DLG5: variants seen among roughly 807,000 people sequenced by gnomAD.
DLG5 encodes disks large homolog 5.
A neutral mutation model predicts 189.8 loss-of-function variants in DLG5; 48 were observed. That is an observed-to-expected ratio of 0.25 (90% CI 0.20 to 0.32). DLG5 has a LOEUF of 0.32. DLG5 is among the 10% of genes least tolerant of loss of function. The probability of loss-of-function intolerance (pLI) is 1.00; values close to 1 mark genes in which losing one functional copy is unlikely to be tolerated. For synonymous variants in DLG5, 1,016 were observed against 1,054.1 expected (o/e 0.96, Z 0.70); for missense variants, 2,160 against 2,544.7 (o/e 0.85, Z 3.25).
intron 18 of DLG5, 128 bp downstream of exon 18, chr10:77,817,649 T>G: frequency 1.3e-6 from 1 of 758,830 alleles, no homozygotes; most frequent in Non-Finnish European, 2.1e-6. Flanking sequence ...AGTAGAGAAA[T>G]GAGCTCAGTC....
At chr10:77,934,126 T>C in the DLG5 span, among the ~76,000 whole-genome samples, 1 of 151,940 alleles carries the variant, frequency 6.6e-6, no homozygotes, top group Non-Finnish European at 1.5e-5. Context: ...ATTCCAGCAT[T>C]TTGGGAGGCC....
In DLG5 at chr10:77,828,914, C is replaced by G. The variant is rs771267497; in HGVS notation, c.2257G>C (p.Gly753Arg). Reference sequence around the variant, plus strand: ...ATCCTGTCTCCCACAGCAAGGGACCCTTCTTTAGCGGCAGGGCTTCCAGGC... The same window carrying G: ...ATCCTGTCTCCCACAGCAAGGGACCGTTCTTTAGCGGCAGGGCTTCCAGGC... Reference protein sequence around the residue: ...VLPGSPAAKEGSLAVGDRIVA... With the variant: ...VLPGSPAAKERSLAVGDRIVA... Residue 753 changes from glycine (G) to arginine (R), a missense_variant, in exon 13 of 32, where the codon GGG (glycine) becomes CGG (arginine). Physicochemically the swap from Gly to Arg is moderately radical, Grantham distance 125. Around this residue, in one of 5 missense-constraint regions of DLG5, gnomAD observed 107 missense variants for 214.5 expected, o/e 0.50. Coordinates refer to ENST00000372391, the MANE Select transcript of DLG5 (RefSeq NM_004747.4). The G allele has an allele frequency of 1.2e-6, 2 of 1,614,166 alleles. No individual in the cohort carries two copies. Among genetic ancestry groups the G allele is most frequent in the Non-Finnish European group, 1.7e-6 (2 of 1,180,016 alleles).
At chr10:77,808,144 C>T (rs1472146283) in intron 24 of DLG5, among the ~76,000 whole-genome samples, 200 bp from the exon 25 acceptor site, 1 of 152,240 alleles carries the variant, frequency 6.6e-6, no homozygotes, top group African/African-American at 2.4e-5. Flanking sequence ...CCCTGGACAC[C>T]AGGTCCTCTG....
At chr10:77,835,425 C>T (rs758622313) in intron 8 of DLG5, among the ~76,000 whole-genome samples, 15 of 152,200 alleles carry the variant, frequency 9.9e-5, no homozygotes, top group Non-Finnish European at 1.9e-4. Context: ...GGACACACTT[C>T]GGATGTGCTC....
chr10:77,866,179 T>C (rs1844674844), intron 2 of DLG5, among the ~76,000 whole-genome samples: 1 of 152,106 alleles, frequency 6.6e-6, no homozygotes, highest in South Asian at 2.1e-4. Context: ...GCTAGAGTGC[T>C]CCCAGCCAGG....
intron 1 of DLG5, among the ~76,000 whole-genome samples, chr10:77,892,829 A>T (rs1845650431): frequency 6.6e-6 from 1 of 152,268 alleles, no homozygotes; most frequent in Non-Finnish European, 1.5e-5. Flanking sequence ...TCAAGTTTTT[A>T]AAATGAAAAT....
At chr10:77,936,928 G>C in the DLG5 span, among the ~76,000 whole-genome samples, 5 of 151,784 alleles carry the variant, frequency 3.3e-5, no homozygotes, top group Non-Finnish European at 4.4e-5. Flanking sequence ...CATCATCCTG[G>C]TTACTTCTCC....
intron 27 of DLG5, among the ~76,000 whole-genome samples, chr10:77,801,174 C>G (rs1431476039): frequency 6.6e-6 from 1 of 152,178 alleles, no homozygotes; most frequent in Non-Finnish European, 1.5e-5. Context: ...CCACACATGA[C>G]AGTTACCAAA....
chr10:77,909,026 G>A (rs1846143517), intron 1 of DLG5, among the ~76,000 whole-genome samples: 1 of 152,156 alleles, frequency 6.6e-6, no homozygotes, highest in South Asian at 2.1e-4. Flanking sequence ...CTAAAAGAAC[G>A]AATCCAGGTT....
In DLG5 at chr10:77,806,738, C is replaced by CCCCCCCCCCCCCAAAAAA; in HGVS notation, c.4967+19_4967+20insTTTTTTGGGGGGGGGGGG. 6.4e-7 allele frequency: 1 copy of CCCCCCCCCCCCCAAAAAA among 1,574,710 alleles called. No homozygotes were observed. The highest frequency in any genetic ancestry group is 8.7e-7 in the Non-Finnish European group (1 of 1,147,896). ...CGGCGACCCCTGCCCCACCCCACCC[C>CCCCCCCCCCCCCAAAAAA]AGGCCCGGAGAACACTTACACATAT... On this transcript the variant is annotated intron_variant, in intron 26 of 31. Coordinates refer to ENST00000372391, the MANE Select transcript of DLG5 (RefSeq NM_004747.4).
intron 1 of DLG5, among the ~76,000 whole-genome samples, chr10:77,919,052 C>A (rs1445037882): frequency 6.6e-6 from 1 of 152,002 alleles, no homozygotes; most frequent in Non-Finnish European, 1.5e-5. Context: ...CCCGTCTCTA[C>A]TAAAAATATA....
chr10:77,874,121 CG>C (rs1564568010), intron 1 of DLG5, among the ~76,000 whole-genome samples: 2 of 152,220 alleles, frequency 1.3e-5, no homozygotes, highest in Non-Finnish European at 2.9e-5. Flanking sequence ...GGGCCAGGTT[CG>C]GGAGAAAGAA....
chr10:77,926,827 C>G (rs1435494802), upstream of DLG5: 1 of 178,764 alleles, frequency 5.6e-6, no homozygotes, highest in Non-Finnish European at 1.2e-5. The surrounding 1 kb of genome is among the most constrained non-coding windows in gnomAD (Gnocchi z 5.2). Context: ...GGGCGCGCCC[C>G]GAGGCCGGGC....
In DLG5 at chr10:77,869,112, C is replaced by G; in HGVS notation, c.373+17G>C. Reference sequence around the variant, plus strand: ...CCCCTGGCCCACCCGGTGTCCTCCCCAGACAGTGGTACTCACCCACACTGC... The same window carrying G: ...CCCCTGGCCCACCCGGTGTCCTCCCGAGACAGTGGTACTCACCCACACTGC... On this transcript the variant is annotated intron_variant, in intron 2 of 31. Coordinates refer to ENST00000372391, the MANE Select transcript of DLG5 (RefSeq NM_004747.4). 1 of 1,612,480 alleles carries G rather than the reference C, an allele frequency of 6.2e-7. No individual in the cohort carries two copies.
rs1044253807 is a variant in DLG5, at chr10:77,817,189, T to G, written c.3785-93A>C. On this transcript the variant is annotated intron_variant, in intron 18 of 31. Transcript: ENST00000372391. ...CCAGGCTACCAGTCAGGATAATAAA[T>G]GCAAAGCTGGGCCCTGCTGTTTATT... 2.6e-6 allele frequency: 3 copies of G among 1,166,044 alleles called. No homozygotes were observed. In the African/African-American group the frequency reaches 4.5e-5, roughly 18 times the overall value. 72.2% of individuals were successfully genotyped at this position (1,166,044 alleles called of 1,614,324 possible). A position where few individuals can be genotyped will look rare whatever the true frequency, so the allele number is the denominator to read the frequency against.
At chr10:77,810,730 G>C (rs1841721681) in intron 23 of DLG5, among the ~76,000 whole-genome samples, 1 of 152,224 alleles carries the variant, frequency 6.6e-6, no homozygotes, top group Admixed American at 6.5e-5. Context: ...CCCGGCACTG[G>C]TCTGCCACCT....
intron 1 of DLG5, among the ~76,000 whole-genome samples, chr10:77,904,954 C>A (rs1044447654): frequency 2.6e-5 from 4 of 151,530 alleles, no homozygotes; most frequent in Non-Finnish European, 5.9e-5. Flanking sequence ...CATGGTGAAA[C>A]CCCATCTCTA....
At chr10:77,819,527 A>G (rs963957100) in intron 16 of DLG5, 62 bp from the exon 17 acceptor site, 1 of 1,555,274 alleles carries the variant, frequency 6.4e-7, no homozygotes, top group African/African-American at 1.4e-5. Context: ...GGACTTACAC[A>G]AGCCTTTCCC....
At chr10:77,804,471 T>C (rs1041512696) in intron 27 of DLG5, among the ~76,000 whole-genome samples, 4 of 152,126 alleles carry the variant, frequency 2.6e-5, no homozygotes, top group African/African-American at 9.7e-5. Context: ...CCTAAGGTCT[T>C]CATTGTAAAA....
Sources: allele counts gnomAD v4.1 joint callset (sites outside exome capture counted in the v4.1 genomes callset), GRCh38; gene constraint gnomAD v4.1.1; regional missense constraint gnomAD v4.1.1; non-coding constraint Gnocchi (gnomAD v3.1); transcripts MANE v1.5; gene names NCBI Gene and HGNC (gene_info 2026-07-23, HGNC 2026-07-21).